The following WDR7 variants were observed in gnomAD, a reference collection of about 807,000 sequenced individuals.
WDR7 encodes the protein WD repeat domain 7.
A neutral mutation model predicts 169.4 loss-of-function variants in WDR7; 46 were observed. That is an observed-to-expected ratio of 0.27 (90% CI 0.21 to 0.35). WDR7 has a LOEUF of 0.35. WDR7 is among the 10% of genes least tolerant of loss of function. The pLI, the probability that WDR7 is intolerant of heterozygous loss-of-function variation, is 1.00. For missense variants in WDR7, 1,534 were observed against 1,859.3 expected (o/e 0.83, Z 3.22); for synonymous variants, 612 against 666.8 (o/e 0.92, Z 1.27).
At chr18:56,924,876 T>C (rs2046781392) in intron 22 of WDR7, among the ~76,000 whole-genome samples, 1 of 152,226 alleles carries the variant, frequency 6.6e-6, no homozygotes, top group Non-Finnish European at 1.5e-5. Flanking sequence ...CTGTTACCAC[T>C]ATTTAGTCCC....
At position 56,758,905 on chromosome 18, in the gene WDR7, G is replaced by T. The variant is rs773732097; in HGVS notation, c.2800G>T (p.Gly934Cys). Reference protein sequence around the residue: ...PSTPDLSKARGSPPTSSNIVQ... With the variant: ...PSTPDLSKARCSPPTSSNIVQ... ...CACCCCAGACCTTTCTAAGGCAAGG[G>T]GTTCCCCTCCAACTTCCAGTAATAT... The change falls in exon 16 of 28, where the codon GGT becomes TGT. Residue 934 changes from glycine (G) to cysteine (C), a missense_variant. By Grantham distance (159) the Gly-to-Cys change is radical. Transcript: ENST00000254442. 6.2e-7 allele frequency: 1 copy of T among 1,613,026 alleles called. No homozygotes were observed.
intron 19 of WDR7, among the ~76,000 whole-genome samples, chr18:56,810,897 A>G (rs761567307): frequency 6.6e-6 from 1 of 152,120 alleles, no homozygotes; most frequent in Non-Finnish European, 1.5e-5. Context: ...GACAGTTTCA[A>G]ACACCCCAAA....
Position 56,988,967 on chromosome 18 carries a change from G to A in WDR7, c.4164+26438G>A, listed in dbSNP as rs1380119978. Among the ~76,000 whole-genome samples the A allele has an allele frequency of 2.6e-5, 4 of 151,094 alleles. No individual in the cohort carries two copies. The East Asian group carries it at 5.8e-4, about 22-fold the overall frequency. On this transcript the variant is annotated intron_variant, in intron 26 of 27. Transcript: ENST00000254442. ...GTTTTTTTATATTGGCTCTGATTTGGTATTTAACAGAAAAAAATTGAATTA... is the reference window on the plus strand; with the variant it reads ...GTTTTTTTATATTGGCTCTGATTTGATATTTAACAGAAAAAAATTGAATTA...
chr18:56,694,516 C>T (rs2025653821), intron 9 of WDR7, 103 bp from the exon 10 acceptor site: 1 of 1,164,610 alleles, frequency 8.6e-7, no homozygotes, highest in African/African-American at 1.5e-5. Flanking sequence ...TTCAACTTGG[C>T]TACTGGGACA....
chr18:56,882,040 C>T (rs2145487272), intron 21 of WDR7, among the ~76,000 whole-genome samples: 1 of 152,352 alleles, frequency 6.6e-6, no homozygotes, highest in Middle Eastern at 3.4e-3. Flanking sequence ...CGTTTCCCTT[C>T]TCCACCTGGG....
intron 25 of WDR7, among the ~76,000 whole-genome samples, chr18:56,940,617 T>C (rs889174647): frequency 1.3e-5 from 2 of 152,208 alleles, no homozygotes; most frequent in Non-Finnish European, 1.5e-5. Flanking sequence ...ATTAATTGAT[T>C]TTAAGAATAC....
intron 21 of WDR7, among the ~76,000 whole-genome samples, chr18:56,904,295 C>T (rs2046446922): frequency 6.6e-6 from 1 of 152,108 alleles, no homozygotes; most frequent in African/African-American, 2.4e-5. Flanking sequence ...GTCTCTAACT[C>T]CTGACCTCAG....
chr18:56,736,737 G>A (rs998822182), intron 14 of WDR7, among the ~76,000 whole-genome samples: 5 of 152,096 alleles, frequency 3.3e-5, no homozygotes, highest in Admixed American at 6.6e-5. Context: ...GGTACAGTGA[G>A]CTGAGTATAA....
intron 21 of WDR7, among the ~76,000 whole-genome samples, chr18:56,917,327 G>A (rs558223472): frequency 1.4e-4 from 21 of 152,224 alleles, no homozygotes; most frequent in African/African-American, 4.8e-4. Flanking sequence ...CAATATAAAA[G>A]TGTTATTTAT....
chr18:57,035,061 C>T, the WDR7 span: 1 of 152,304 alleles, frequency 6.6e-6, no homozygotes, highest in Non-Finnish European at 1.5e-5. Context: ...CCAGCTCCTC[C>T]CTGTTCAAAG....
chr18:56,821,795 G>A (rs2045101961), intron 20 of WDR7, among the ~76,000 whole-genome samples: 1 of 151,042 alleles, frequency 6.6e-6, no homozygotes. Context: ...AGGCATTTGA[G>A]ACTATCCTAC....
At position 56,770,099 on chromosome 18, in the gene WDR7, T is replaced by A. The variant is rs2044129845; in HGVS notation, c.2849-6683T>A. Among the ~76,000 whole-genome samples, 3 of 152,240 alleles carry A rather than the reference T, an allele frequency of 2.0e-5. No individual in the cohort carries two copies. The South Asian group carries it at 6.2e-4, about 31-fold the overall frequency. On this transcript the variant is annotated intron_variant, in intron 16 of 27. Transcript: ENST00000254442. ...GAATCTACAGATAACCTTCTCTTTA[T>A]GTTTCTGGAGTCAGTATGTCAATAA... is the stretch of plus-strand genomic sequence containing the variant.
At chr18:56,661,655 A>G (rs2024906616) in intron 1 of WDR7, among the ~76,000 whole-genome samples, 1 of 152,182 alleles carries the variant, frequency 6.6e-6, no homozygotes, top group African/African-American at 2.4e-5. Context: ...TTAACCACCC[A>G]AATAAGAAAG....
At chr18:56,855,445 G>C (rs2045705495) in intron 20 of WDR7, among the ~76,000 whole-genome samples, 1 of 151,960 alleles carries the variant, frequency 6.6e-6, no homozygotes, top group Non-Finnish European at 1.5e-5. Flanking sequence ...GGGTGTTCAG[G>C]ATCTTAAGAA....
At chr18:56,975,339 A>G (rs1295068353) in intron 26 of WDR7, among the ~76,000 whole-genome samples, 1 of 152,184 alleles carries the variant, frequency 6.6e-6, no homozygotes, top group Non-Finnish European at 1.5e-5. Flanking sequence ...AAGCATCAGC[A>G]GAAGCACAGA....
chr18:56,766,103 C>T, intron 16 of WDR7, among the ~76,000 whole-genome samples: 1 of 148,088 alleles, frequency 6.8e-6, no homozygotes, highest in Non-Finnish European at 1.5e-5. Flanking sequence ...CTGTTGTCTT[C>T]TTGTTTGCAT....
chr18:56,868,295 A>G (rs954796222), intron 20 of WDR7, among the ~76,000 whole-genome samples: 1 of 152,164 alleles, frequency 6.6e-6, no homozygotes, highest in Non-Finnish European at 1.5e-5. Flanking sequence ...AATACTACAG[A>G]TACTCCTTAT....
chr18:56,907,177 A>G (rs2046489808), intron 21 of WDR7, among the ~76,000 whole-genome samples: 1 of 152,194 alleles, frequency 6.6e-6, no homozygotes. Context: ...TATTTTGGTA[A>G]AAAAAGTAAA....
intron 25 of WDR7, among the ~76,000 whole-genome samples, chr18:56,955,710 A>G (rs563961616): frequency 2.2e-4 from 33 of 152,172 alleles, no homozygotes; most frequent in African/African-American, 6.3e-4. Flanking sequence ...TACGGTTTGC[A>G]TGCACCTACC....
Sources: allele counts gnomAD v4.1 joint callset (sites outside exome capture counted in the v4.1 genomes callset), GRCh38; gene constraint gnomAD v4.1.1; transcripts MANE v1.5; gene names NCBI Gene and HGNC (gene_info 2026-07-23, HGNC 2026-07-21).